The following VRK3 variants were observed in gnomAD, a reference collection of about 807,000 sequenced individuals.
The protein encoded by VRK3 is VRK serine/threonine kinase 3, also known as serine/threonine-protein kinase VRK3.
VRK3 carries 50 observed loss-of-function variants against 60.4 expected under a neutral mutation model. The observed-to-expected ratio is 0.83, with a 90% CI of 0.66 to 1.05. The LOEUF (loss-of-function observed/expected upper bound fraction) is 1.05. Among genes scored for constraint, VRK3 ranks in the 50% least tolerant of loss-of-function variants. The pLI, the probability that VRK3 is intolerant of heterozygous loss-of-function variation, is 0.00. For missense variants in VRK3, 549 were observed against 585.3 expected, an observed-to-expected ratio of 0.94 and a Z score of 0.64; for synonymous variants, 246 against 227.8, an observed-to-expected ratio of 1.08 and a Z score of -0.72.
chr19:50,011,004 C>CT (rs60214147), intron 3 of VRK3, among the ~76,000 whole-genome samples: 7,972 of 152,234 alleles, frequency 0.052, 688 homozygotes, highest in African/African-American at 0.18. Flanking sequence ...ACCACCAAGG[C>CT]GACAAATGTC....
intron 12 of VRK3, chr19:49,982,133 G>A (rs1362046740): frequency 5.7e-6 from 4 of 702,932 alleles, no homozygotes; most frequent in Non-Finnish European, 1.0e-5. Context: ...CGGTGACCGA[G>A]CCTTGTTTCT....
chr19:49,997,426 G>C, intron 7 of VRK3, 78 bp downstream of exon 7: 1 of 1,508,722 alleles, frequency 6.6e-7, no homozygotes. Context: ...TCTCATGCCT[G>C]CAGGTAGAAG....
intron 4 of VRK3, among the ~76,000 whole-genome samples, chr19:50,008,331 C>T (rs192157581): frequency 6.6e-6 from 1 of 152,186 alleles, no homozygotes; most frequent in Non-Finnish European, 1.5e-5. Flanking sequence ...GGGCTCCTAG[C>T]CTGGCAAGAG....
intron 13 of VRK3, among the ~76,000 whole-genome samples, 192 bp downstream of exon 13, chr19:49,980,763 T>G (rs964248974): frequency 3.3e-5 from 5 of 150,136 alleles, no homozygotes; most frequent in Non-Finnish European, 7.3e-5. Flanking sequence ...AAAGTTGTGT[T>G]TTTGTTTTGT....
chr19:49,977,326 C>T (rs547526618), intron 14 of VRK3, among the ~76,000 whole-genome samples: 1 of 152,284 alleles, frequency 6.6e-6, no homozygotes, highest in South Asian at 2.1e-4. Flanking sequence ...TCGAAGATCA[C>T]TGGGCTCCTT....
rs1182076576 is a variant in VRK3, at chr19:49,976,743, CTTCAT to C, written c.*48_*52del. The C allele has an allele frequency of 7.0e-6, 1 of 142,828 alleles. No individual in the cohort carries two copies. Among genetic ancestry groups the C allele is most frequent in the African/African-American group, 2.8e-5 (1 of 36,322 alleles). The allele number at this position is 142,828 out of a possible 1,614,324, so 8.8% of individuals were successfully genotyped here. A position where few individuals can be genotyped will look rare whatever the true frequency, so the allele number is the denominator to read the frequency against. ...AAACAGCAGGCCTTGAGTCACATTACTTCATTTTTTTTTTTCTGTTGCACACTGCA... is the reference window on the plus strand; with the variant it reads ...AAACAGCAGGCCTTGAGTCACATTACTTTTTTTTTTCTGTTGCACACTGCA... On this transcript the variant is annotated 3_prime_UTR_variant, in exon 15 of 15. Transcript: ENST00000316763.
At chr19:50,005,237 C>T (rs545754963) in intron 5 of VRK3, among the ~76,000 whole-genome samples, 21 of 149,266 alleles carry the variant, frequency 1.4e-4, no homozygotes, top group Non-Finnish European at 2.4e-4. Flanking sequence ...CTCAGTGTGT[C>T]GGAGCCAAGT....
At chr19:50,009,104 C>T in intron 4 of VRK3, 132 bp downstream of exon 4, 2 of 1,094,396 alleles carry the variant, frequency 1.8e-6, no homozygotes, top group Non-Finnish European at 2.6e-6. Flanking sequence ...GCTGGGGAAG[C>T]TGCTGGAGTC....
chr19:49,986,785 C>T (rs1037299532), intron 12 of VRK3: 1 of 152,250 alleles, frequency 6.6e-6, no homozygotes, highest in Non-Finnish European at 1.5e-5. Context: ...TCATCCTCTC[C>T]TGGGGCTTCA....
intron 3 of VRK3, among the ~76,000 whole-genome samples, chr19:50,015,288 T>C (rs569719069): frequency 2.6e-5 from 4 of 151,874 alleles, no homozygotes; most frequent in Non-Finnish European, 5.9e-5. Flanking sequence ...TCAAGGGAAA[T>C]TTCACTGGAC....
At chr19:50,015,015 AG>A (rs1457368626) in intron 3 of VRK3, among the ~76,000 whole-genome samples, 2 of 152,020 alleles carry the variant, frequency 1.3e-5, no homozygotes, top group Non-Finnish European at 2.9e-5. Context: ...GATTTGCTGA[AG>A]GGGTGGGTGT....
intron 2 of VRK3, among the ~76,000 whole-genome samples, chr19:50,017,430 C>A (rs763421659): frequency 8.7e-5 from 13 of 149,078 alleles, no homozygotes; most frequent in Non-Finnish European, 1.6e-4. Flanking sequence ...TAAAATTAGC[C>A]AGGCGTGGTG....
In VRK3 at chr19:50,004,271, C is replaced by A. The variant is rs564080770; in HGVS notation, c.547+3298G>T. ...GTGTTTTCCTCTCCTTCTCCCTCTT[C>A]CTTCCCCGCCCTCCTGCCCTCTCCC... On this transcript the variant is annotated intron_variant, in intron 5 of 14. Coordinates refer to ENST00000316763, the MANE Select transcript of VRK3 (RefSeq NM_016440.4). 2.8e-4 allele frequency among the ~76,000 whole-genome samples: 42 copies of A among 152,214 alleles called. No homozygotes were observed. The South Asian group carries it at 8.7e-3, about 32-fold the overall frequency.
At chr19:50,009,448 A>G in intron 3 of VRK3, 63 bp from the exon 4 acceptor site, 1 of 1,590,204 alleles carries the variant, frequency 6.3e-7, no homozygotes. Flanking sequence ...GCACCATTGG[A>G]CTGGGAGCCC....
chr19:49,982,890 C>T (rs536249592), intron 12 of VRK3, among the ~76,000 whole-genome samples: 197 of 152,258 alleles, frequency 1.3e-3, no homozygotes, highest in African/African-American at 3.6e-3. Context: ...CCTGGCCCAT[C>T]GGGCCAGCTC....
chr19:49,980,069 A>AT (rs2076397544), intron 13 of VRK3, among the ~76,000 whole-genome samples: 1 of 150,672 alleles, frequency 6.6e-6, no homozygotes, highest in African/African-American at 2.5e-5. Flanking sequence ...AATAAAATAA[A>AT]TTTTAAAAAA....
At chr19:50,015,908 T>C (rs2077068280) in intron 3 of VRK3, 116 bp downstream of exon 3, 34 of 1,430,616 alleles carry the variant, frequency 2.4e-5, no homozygotes, top group Non-Finnish European at 3.2e-5. Flanking sequence ...AGGCCTGGGC[T>C]TCTCCAGTGT....
At chr19:49,996,578 C>T (rs1393355077) in intron 7 of VRK3, among the ~76,000 whole-genome samples, 1 of 152,076 alleles carries the variant, frequency 6.6e-6, no homozygotes, top group Non-Finnish European at 1.5e-5. Flanking sequence ...GGTTCATTAC[C>T]TTTGTTTTGA....
At chr19:49,985,209 G>A (rs577102642) in intron 12 of VRK3, among the ~76,000 whole-genome samples, 2 of 152,166 alleles carry the variant, frequency 1.3e-5, no homozygotes, top group African/African-American at 4.8e-5. Flanking sequence ...TCTGTGACTC[G>A]TTTTCACCTG....
Sources: gnomAD v4.1 joint callset for allele counts (sites outside exome capture counted in the v4.1 genomes callset) on GRCh38, gnomAD v4.1.1 for gene constraint, MANE v1.5 for transcripts, NCBI Gene and HGNC (gene_info 2026-07-23, HGNC 2026-07-21) for gene names.